Variants in GABRA4 observed in about 807,000 individuals in gnomAD.
The protein encoded by GABRA4 is gamma-aminobutyric acid type A receptor subunit alpha4.
A neutral mutation model predicts 49.7 loss-of-function variants in GABRA4; 12 were observed. That is an observed-to-expected ratio of 0.24 (90% CI 0.15 to 0.39). The LOEUF is 0.39. Among genes scored for constraint, GABRA4 ranks in the 10% least tolerant of loss-of-function variants. The pLI is 1.00. For missense variants in GABRA4, 506 were observed against 686.0 expected, an observed-to-expected ratio of 0.74 and a Z score of 2.93; for synonymous variants, 288 against 240.2, an observed-to-expected ratio of 1.20 and a Z score of -1.84.
chr4:46,988,072 G>A (rs945505574), intron 2 of GABRA4, among the ~76,000 whole-genome samples: 13 of 151,906 alleles, frequency 8.6e-5, no homozygotes, highest in Non-Finnish European at 1.5e-5. Flanking sequence ...TCAGACCTTT[G>A]CACTTAATTG....
At chr4:46,982,670 TG>T (rs1723398139) in intron 2 of GABRA4, among the ~76,000 whole-genome samples, 1 of 152,088 alleles carries the variant, frequency 6.6e-6, no homozygotes, top group Non-Finnish European at 1.5e-5. Context: ...GTAAGAAGTT[TG>T]ATTTGTATCC....
intron 7 of GABRA4, among the ~76,000 whole-genome samples, chr4:46,967,483 A>G (rs1474925517): frequency 6.6e-6 from 1 of 151,498 alleles, no homozygotes; most frequent in Non-Finnish European, 1.5e-5. Flanking sequence ...GCAGTTATTG[A>G]CCCATAAATT....
At chr4:46,958,429 A>G (rs1365421612) in intron 8 of GABRA4, among the ~76,000 whole-genome samples, 2 of 151,958 alleles carry the variant, frequency 1.3e-5, no homozygotes, top group Admixed American at 1.3e-4. Flanking sequence ...GTGATTTTTA[A>G]AAATATCATT....
intron 8 of GABRA4, among the ~76,000 whole-genome samples, chr4:46,964,738 T>A (rs1183112870): frequency 6.6e-6 from 1 of 151,834 alleles, no homozygotes; most frequent in Non-Finnish European, 1.5e-5. Context: ...CGAAAGAAAC[T>A]TTCAAACAAT....
At chr4:46,978,523 A>G (rs1723227337) in intron 3 of GABRA4, among the ~76,000 whole-genome samples, 1 of 151,142 alleles carries the variant, frequency 6.6e-6, no homozygotes, top group African/African-American at 2.4e-5. Flanking sequence ...CCCTATCTCT[A>G]CTAGAAACAC....
At chr4:46,990,561 C>A (rs1723708275) in intron 2 of GABRA4, among the ~76,000 whole-genome samples, 1 of 152,144 alleles carries the variant, frequency 6.6e-6, no homozygotes, top group Admixed American at 6.5e-5. Context: ...TTTGGTATAT[C>A]AATTTTCTGA....
At chr4:46,961,329 A>G (rs1183200615) in intron 8 of GABRA4, among the ~76,000 whole-genome samples, 3 of 151,890 alleles carry the variant, frequency 2.0e-5, no homozygotes, top group Admixed American at 2.0e-4. Flanking sequence ...CTCTGAGAAC[A>G]GAATCCCATC....
Position 46,920,114 on chromosome 4 carries a change from AG to A in GABRA4, c.*8110del, listed in dbSNP as rs1720925878. The A allele has an allele frequency of 6.6e-6, 1 of 151,716 alleles. No homozygotes were observed. Among genetic ancestry groups the A allele is most frequent in the Non-Finnish European group, 1.5e-5 (1 of 67,672 alleles). The allele number at this position is 151,716 out of a possible 1,614,324, so 9.4% of individuals were successfully genotyped here. A position where few individuals can be genotyped will look rare whatever the true frequency, so the allele number is the denominator to read the frequency against. On this transcript the variant is annotated 3_prime_UTR_variant, in exon 9 of 9. Transcript: ENST00000264318. ...GTAGACTATAATTCACAAGTATAAA[AG>A]ACTGAGAAAAAAATATGTCAATCAA...
intron 8 of GABRA4, among the ~76,000 whole-genome samples, chr4:46,932,987 T>C (rs1325588543): frequency 6.6e-6 from 1 of 152,070 alleles, no homozygotes; most frequent in Non-Finnish European, 1.5e-5. Flanking sequence ...ATCTTACATT[T>C]GAAGAATATG....
chr4:46,979,663 C>G (rs1309503165), intron 2 of GABRA4, among the ~76,000 whole-genome samples: 1 of 152,090 alleles, frequency 6.6e-6, no homozygotes, highest in Non-Finnish European at 1.5e-5. Context: ...ACTCTGCCAC[C>G]TACTAGCTGT....
chr4:46,927,979 C>G lies in GABRA4; in HGVS notation c.*246G>C. 3.1e-6 allele frequency: 1 copy of G among 327,484 alleles called. No individual in the cohort carries two copies. Among genetic ancestry groups the G allele is most frequent in the Admixed American group, 4.5e-5 (1 of 22,134 alleles). 20.3% of individuals were successfully genotyped at this position (327,484 alleles called of 1,614,324 possible). On this transcript the variant is annotated 3_prime_UTR_variant, in exon 9 of 9. Transcript: ENST00000264318. ...GCTCTATTTCTCTTATCCCAACTTT[C>G]CAGGATGGTGTGTATTCTATCTAAC...
rs116876563 is a variant in GABRA4 at position 46,973,521 on chromosome 4, G to A, written c.721+711C>T. ...AGTAAATTTCTGTTGTTTATGAGCC[G>A]CCCTATTTGTGTTGTTTTGTTACAA... On this transcript the variant is annotated intron_variant, in intron 6 of 8. Transcript: ENST00000264318. Among the ~76,000 whole-genome samples, 126 of 151,734 alleles carry A rather than the reference G, an allele frequency of 8.3e-4. 1 individual carries two copies. The East Asian group carries it at 0.016, about 19-fold the overall frequency.
intron 8 of GABRA4, among the ~76,000 whole-genome samples, chr4:46,936,254 T>G (rs1418512448): frequency 6.6e-6 from 1 of 152,192 alleles, no homozygotes; most frequent in Non-Finnish European, 1.5e-5. Context: ...CTTTTATTCC[T>G]TTTCCTTTTT....
intron 2 of GABRA4, 160 bp downstream of exon 2, chr4:46,992,668 T>C (rs1723800981): frequency 1.6e-6 from 1 of 627,178 alleles, no homozygotes; most frequent in Non-Finnish European, 2.9e-6. Flanking sequence ...GTGGAGGCGG[T>C]CTTCTTGTCA....
chr4:46,990,909 C>T (rs969291837), intron 2 of GABRA4, among the ~76,000 whole-genome samples: 5 of 152,146 alleles, frequency 3.3e-5, no homozygotes, highest in African/African-American at 9.7e-5. Context: ...TGGCCCGGCG[C>T]GGCTCACGCC....
At position 46,950,745 on chromosome 4, in the gene GABRA4, A is replaced by AATTAATTAATTAATT. The variant is rs1553903651; in HGVS notation, c.1134+14224_1134+14225insAATTAATTAATTAAT. Reference sequence around the variant, plus strand: ...TAAATAAATAAATAAATAAATAAATAAATTACTATATGCTTGTCCAGCTCT... The same window carrying AATTAATTAATTAATT: ...TAAATAAATAAATAAATAAATAAATAATTAATTAATTAATTAATTACTATATGCTTGTCCAGCTCT... On this transcript the variant is annotated intron_variant, in intron 8 of 8. Coordinates refer to ENST00000264318, the MANE Select transcript of GABRA4 (RefSeq NM_000809.4). 6.9e-3 allele frequency among the ~76,000 whole-genome samples: 1,044 copies of AATTAATTAATTAATT among 151,214 alleles called. 11 individuals carry two copies. The highest frequency in any genetic ancestry group is 0.031 in the South Asian group (147 of 4,788).
At chr4:46,952,820 G>A (rs962828723) in intron 8 of GABRA4, among the ~76,000 whole-genome samples, 2 of 151,690 alleles carry the variant, frequency 1.3e-5, no homozygotes, top group Admixed American at 6.6e-5. Flanking sequence ...CTCACATTGC[G>A]ATATAAATGG....
Position 46,927,071 on chromosome 4 carries a change from C to T in GABRA4, c.*1154G>A, listed in dbSNP as rs1418265669. The T allele has an allele frequency of 6.6e-6, 1 of 151,936 alleles. No homozygotes were observed. The highest frequency in any genetic ancestry group is 1.9e-4 in the East Asian group (1 of 5,186). The allele number at this position is 151,936 out of a possible 1,614,324, so 9.4% of individuals were successfully genotyped here. ...GAAAGCACCTGAAAAAGCCTGTGCT[C>T]AGTTCCTATGTCTGATGATTCTGTG... On this transcript the variant is annotated 3_prime_UTR_variant, in exon 9 of 9. Transcript: ENST00000264318.
intron 8 of GABRA4, among the ~76,000 whole-genome samples, chr4:46,933,063 A>C (rs912567342): frequency 1.3e-5 from 2 of 152,192 alleles, no homozygotes; most frequent in Admixed American, 6.6e-5. Context: ...AGAAAAAAGA[A>C]CAATGAAGTA....
Sources: gnomAD v4.1 joint callset for allele counts (sites outside exome capture counted in the v4.1 genomes callset) on GRCh38, gnomAD v4.1.1 for gene constraint, MANE v1.5 for transcripts, NCBI Gene and HGNC (gene_info 2026-07-23, HGNC 2026-07-21) for gene names.